Variants in TJP1 observed in about 807,000 individuals in gnomAD.
The protein encoded by TJP1 is tight junction protein 1.
Under a neutral mutation model 194.2 loss-of-function variants are expected in TJP1, and 43 were observed. That is an observed-to-expected ratio of 0.22 (90% CI 0.17 to 0.29). The LOEUF (loss-of-function observed/expected upper bound fraction) is 0.29, where lower values mean the gene tolerates loss of function less well. TJP1 is among the 10% of genes least tolerant of loss of function. The pLI is 1.00. For synonymous variants in TJP1, 801 were observed against 779.0 expected, an observed-to-expected ratio of 1.03 and a Z score of -0.47; for missense variants, 1,971 against 2,185.7, an observed-to-expected ratio of 0.90 and a Z score of 1.96.
rs199957732 is a variant in TJP1 at position 29,718,709 on chromosome 15, G to A, written c.3433C>T (p.Arg1145Cys). The A allele has an allele frequency of 6.6e-5, 106 of 1,614,056 alleles. No homozygotes were observed. The highest frequency in any genetic ancestry group is 8.1e-5 in the Non-Finnish European group (95 of 1,180,052). The change falls in exon 21 of 28, where the codon CGT becomes TGT. Residue 1145 changes from arginine (R) to cysteine (C), a missense_variant. Arg to Cys is a radical substitution (Grantham distance 180, BLOSUM62 -3). This residue lies in a region of TJP1 where 1,108 missense variants were observed against 1,128.5 expected (regional missense o/e 0.98). Transcript: ENST00000614355. The stretch of plus-strand genomic sequence containing the variant: ...GATGCTCTAGGTGCCTGTTCGTAAC[G>A]TGGTCTGCTGTCGTAAGACAGAGGG... ...PAPLSYDSRP[R>C]YEQAPRASAL...
intron 8 of TJP1, among the ~76,000 whole-genome samples, chr15:29,746,635 CA>C (rs1449517997): frequency 1.3e-5 from 2 of 151,664 alleles, no homozygotes; most frequent in African/African-American, 4.8e-5. Context: ...TCAACTTTTA[CA>C]AAAATTTACT....
At chr15:29,762,530 A>T (rs775573976) in intron 5 of TJP1, 92 bp from the exon 6 acceptor site, 2 of 843,990 alleles carry the variant, frequency 2.4e-6, no homozygotes, top group African/African-American at 1.7e-5. Context: ...TAACTACTGC[A>T]TAGAGTTTTC....
chr15:29,888,224 ATATT>A (rs550782434), intron 2 of TJP1, among the ~76,000 whole-genome samples: 282 of 152,138 alleles, frequency 1.9e-3, no homozygotes, highest in African/African-American at 5.6e-3. Flanking sequence ...AAGTATTAAA[ATATT>A]TATTTAAACA....
At chr15:29,709,109 T>C in intron 24 of TJP1, 73 bp from the exon 25 acceptor site, 1 of 1,438,896 alleles carries the variant, frequency 6.9e-7, no homozygotes, top group Non-Finnish European at 9.5e-7. Context: ...GCTTAACTTG[T>C]CCTGGTGCTG....
chr15:29,876,762 G>C (rs1271149889), intron 2 of TJP1, among the ~76,000 whole-genome samples: 1 of 152,080 alleles, frequency 6.6e-6, no homozygotes, highest in African/African-American at 2.4e-5. Context: ...AAACCACGTG[G>C]ACTGCTGCAG....
intron 1 of TJP1, among the ~76,000 whole-genome samples, chr15:29,810,765 G>A (rs894389371): frequency 6.6e-6 from 1 of 152,198 alleles, no homozygotes; most frequent in African/African-American, 2.4e-5. Context: ...AGACAGCTAT[G>A]AGGTGCATGA....
At chr15:29,759,085 A>C (rs2045831954) in intron 8 of TJP1, 1 of 152,240 alleles carries the variant, frequency 6.6e-6, no homozygotes, top group South Asian at 2.1e-4. Context: ...GGTTTTTTAC[A>C]AACTTTAAAA....
intron 8 of TJP1, chr15:29,760,450 A>G (rs1306850939): frequency 7.3e-6 from 4 of 546,056 alleles, no homozygotes; most frequent in Non-Finnish European, 1.3e-5. Flanking sequence ...ATCTCGGCTC[A>G]CTGCAACCTC....
intron 17 of TJP1, 137 bp from the exon 18 acceptor site, chr15:29,726,616 G>A: frequency 1.8e-6 from 2 of 1,125,864 alleles, no homozygotes; most frequent in Non-Finnish European, 2.5e-6. Flanking sequence ...TTTCTATTTT[G>A]CTACTGTATA....
intron 2 of TJP1, among the ~76,000 whole-genome samples, chr15:29,866,017 A>G (rs941642260): frequency 1.3e-5 from 2 of 152,224 alleles, no homozygotes; most frequent in Admixed American, 6.5e-5. Context: ...AACAATCATA[A>G]AGGCATACTT....
chr15:29,806,925 G>A (rs566631068), intron 1 of TJP1, among the ~76,000 whole-genome samples: 1 of 152,092 alleles, frequency 6.6e-6, no homozygotes, highest in East Asian at 1.9e-4. Flanking sequence ...AATGAAGAAG[G>A]GTCCTAACGA....
At chr15:29,914,695 T>C (rs373178876) in intron 2 of TJP1, among the ~76,000 whole-genome samples, 3 of 152,010 alleles carry the variant, frequency 2.0e-5, no homozygotes, top group Admixed American at 6.5e-5. Context: ...GGGGAGAGTA[T>C]CTGAGGCTTC....
intron 2 of TJP1, among the ~76,000 whole-genome samples, chr15:29,902,007 T>C (rs2053649495): frequency 6.6e-6 from 1 of 152,112 alleles, no homozygotes; most frequent in South Asian, 2.1e-4. Flanking sequence ...TTTAGAATAA[T>C]ATGAAAAAAG....
Position 29,727,969 on chromosome 15 carries a change from G to A in TJP1, c.2068C>T (p.Arg690Cys), listed in dbSNP as rs762008307. Reference protein sequence around the residue: ...GTDQRSSGIIRLHTIKQIIDQ... With the variant: ...GTDQRSSGIICLHTIKQIIDQ... ...ATGATTTGCTTTATTGTATGCAGGC[G>A]AATAATGCCAGAGCTACGTTGGTCA... is the stretch of plus-strand genomic sequence containing the variant. Residue 690 changes from arginine to cysteine, a missense_variant, in exon 16 of 28, where the codon CGC (arginine) becomes TGC (cysteine). Arg to Cys is a radical substitution (Grantham distance 180). Transcript: ENST00000614355. 3 of 1,613,896 alleles carry A rather than the reference G, an allele frequency of 1.9e-6. No homozygotes were observed. Among genetic ancestry groups the A allele is most frequent in the Non-Finnish European group, 2.5e-6 (3 of 1,179,984 alleles).
At chr15:29,731,693 G>A (rs958456908) in intron 15 of TJP1, among the ~76,000 whole-genome samples, 20 of 152,066 alleles carry the variant, frequency 1.3e-4, no homozygotes, top group African/African-American at 4.8e-4. Context: ...TTGAAGAAGG[G>A]AGTTTGAAAG....
At chr15:29,887,098 T>A (rs530071721) in intron 2 of TJP1, among the ~76,000 whole-genome samples, 2 of 151,282 alleles carry the variant, frequency 1.3e-5, no homozygotes, top group East Asian at 2.0e-4. Flanking sequence ...ATGCCACAAA[T>A]CCATCAAATA....
chr15:29,855,468 T>C (rs1385773872), intron 2 of TJP1, among the ~76,000 whole-genome samples: 1 of 152,148 alleles, frequency 6.6e-6, no homozygotes, highest in Non-Finnish European at 1.5e-5. Context: ...TCATGACACA[T>C]TGTATACATG....
At chr15:29,748,032 C>T (rs1401510977) in intron 8 of TJP1, among the ~76,000 whole-genome samples, 1 of 152,110 alleles carries the variant, frequency 6.6e-6, no homozygotes, top group African/African-American at 2.4e-5. Flanking sequence ...TTTCCATTAT[C>T]TACCAAAAGA....
chr15:29,746,324 G>A (rs1431749090), intron 8 of TJP1, among the ~76,000 whole-genome samples: 1 of 151,816 alleles, frequency 6.6e-6, no homozygotes, highest in African/African-American at 2.4e-5. Flanking sequence ...CTTGCAGTGA[G>A]CCCAGATGGA....
Sources: allele counts gnomAD v4.1 joint callset (sites outside exome capture counted in the v4.1 genomes callset), GRCh38; gene constraint gnomAD v4.1.1; regional missense constraint gnomAD v4.1.1; transcripts MANE v1.5; gene names NCBI Gene and HGNC (gene_info 2026-07-23, HGNC 2026-07-21).